Variants in OPLAH observed in about 807,000 individuals in gnomAD.
OPLAH encodes 5-oxoprolinase.
In OPLAH, 103 loss-of-function variants were observed where a neutral mutation model predicts 122.8. The ratio of observed to expected loss-of-function variants is 0.84; its 90% CI spans 0.71 to 0.99. The LOEUF (loss-of-function observed/expected upper bound fraction) is 0.99. Among genes scored for constraint, OPLAH ranks in the 50% least tolerant of loss-of-function variants. The pLI is 0.00. For missense variants in OPLAH, 1,902 were observed against 1,836.5 expected (o/e 1.04, Z -0.65); for synonymous variants, 875 against 796.0 (o/e 1.10, Z -1.67).
chr8:144,053,981 C>A (rs376806797), intron 19 of OPLAH, among the ~76,000 whole-genome samples: 1 of 129,100 alleles, frequency 7.7e-6, no homozygotes, highest in Admixed American at 7.9e-5. Context: ...CCCCACCCCC[C>A]GCCCTCGCTC....
At chr8:144,062,096 T>C (rs1353682406), upstream of OPLAH, among the ~76,000 whole-genome samples, 1 of 152,028 alleles carries the variant, frequency 6.6e-6, no homozygotes, top group African/African-American at 2.4e-5. Context: ...TTTATTCCTC[T>C]ACTTTCTTAA....
At chr8:144,060,584 C>G (rs1008772970) in intron 1 of OPLAH, 69 bp downstream of exon 1, 19 of 149,190 alleles carry the variant, frequency 1.3e-4, no homozygotes, top group African/African-American at 4.9e-4. Context: ...GGGAAGGGGC[C>G]GCGGAGGGGA....
In OPLAH at chr8:144,057,306, G is replaced by A. The variant is rs782608385; in HGVS notation, c.1437C>T (p.Asp479=). The change falls in exon 11 of 27, where the codon GAC becomes GAT. Residue 479 remains aspartate, a synonymous_variant. Coordinates refer to ENST00000618853, the MANE Select transcript of OPLAH (RefSeq NM_017570.5). The part of the protein sequence containing the change: ...IRALTQARGH[D]PSAHVLACFG... ...AGCAGGCCAGCACATGGGCTGAGGG[G>A]TCATGGCCTCTTGCCTAGGGAGACA... 49 of 1,611,960 alleles carry A rather than the reference G, an allele frequency of 3.0e-5. No individual in the cohort carries two copies. Among genetic ancestry groups the A allele is most frequent in the Non-Finnish European group, 3.6e-5 (43 of 1,179,618 alleles).
At position 144,052,562 on chromosome 8, in the gene OPLAH, C is replaced by T. The variant is rs782394618; in HGVS notation, c.3190G>A (p.Gly1064Ser). The T allele has an allele frequency of 2.5e-6, 4 of 1,597,018 alleles. No individual in the cohort carries two copies. Among genetic ancestry groups the T allele is most frequent in the South Asian group, 1.1e-5 (1 of 90,270 alleles). Residue 1064 changes from glycine (G) to serine (S), a missense_variant, in exon 23 of 27, where the codon GGC becomes AGC. Gly to Ser is a moderately conservative substitution (Grantham distance 56, BLOSUM62 0). Around this residue, in one of 3 missense-constraint regions of OPLAH, gnomAD observed 1,726 missense variants for 1,642.1 expected, o/e 1.05. Coordinates refer to ENST00000618853, the MANE Select transcript of OPLAH (RefSeq NM_017570.5). ...LAPVRVVIPR[G>S]SILDPSPEAA... ...TCGGGCGACGGGTCCAGGATGGAGC[C>T]TCGGGGAATGACCACGCGCACTGGC...
chr8:144,062,026 A>T (rs2129868674), upstream of OPLAH, among the ~76,000 whole-genome samples: 1 of 152,148 alleles, frequency 6.6e-6, no homozygotes, highest in Non-Finnish European at 1.5e-5. Flanking sequence ...CTCAAAAAAA[A>T]AAAAAAAAAA....
Position 144,052,308 on chromosome 8 carries a change from TCACGTTGTTCATGCAGCCCTGGTGAGGG to T in OPLAH, c.3304-10_3321del. 1.3e-6 allele frequency: 2 copies of T among 1,527,568 alleles called. No individual in the cohort carries two copies. Among genetic ancestry groups the T allele is most frequent in the Non-Finnish European group, 1.8e-6 (2 of 1,141,894 alleles). The allele number at this position is 1,527,568 out of a possible 1,614,324, so 94.6% of individuals were successfully genotyped here. A position where few individuals can be genotyped will look rare whatever the true frequency, so the allele number is the denominator to read the frequency against. ...TAGCCCATGTGGGCGTTGCCCAGGG[TCACGTTGTTCATGCAGCCCTGGTGAGGG>T]CACCTGGTCGCTGCGCTGGGCTGGG... On this transcript the variant is annotated splice_acceptor_variant and splice_polypyrimidine_tract_variant and coding_sequence_variant and intron_variant, in exon 24 of 27. Transcript: ENST00000618853. LOFTEE classifies it high-confidence loss of function.
rs782343798 is a variant in OPLAH at position 144,060,027 on chromosome 8, G to A, written c.6C>T (p.Gly2=). 1 of 1,611,426 alleles carries A rather than the reference G, an allele frequency of 6.2e-7. No homozygotes were observed. The highest frequency in any genetic ancestry group is 1.1e-5 in the South Asian group (1 of 90,974). Residue 2 remains glycine (G), a synonymous_variant, in exon 2 of 27, where the codon GGC becomes GGT. Coordinates refer to ENST00000618853, the MANE Select transcript of OPLAH (RefSeq NM_017570.5). The stretch of plus-strand genomic sequence containing the variant: ...CAAAGTGGAAGCGGCCCTCGGGGCT[G>A]CCCATGGTGGTGGGGCTGGAGTCCC... M[G]SPEGRFHFAI...
rs762215465 is a variant in OPLAH at position 144,051,546 on chromosome 8, C to G, written c.3721-74G>C. ...CCCTCCCTGTCACCTGCGCAGTCCC[C>G]TCCCCACCGGGCAGCGTCCATCACC... On this transcript the variant is annotated intron_variant, in intron 26 of 26. Transcript: ENST00000618853. 695 of 1,276,886 alleles carry G rather than the reference C, an allele frequency of 5.4e-4. 2 individuals are homozygous for G. Among genetic ancestry groups the G allele is most frequent in the Middle Eastern group, 8.2e-4 (3 of 3,662 alleles). The allele number at this position is 1,276,886 out of a possible 1,614,324, so 79.1% of individuals were successfully genotyped here.
Position 144,057,836 on chromosome 8 carries a change from G to A in OPLAH, c.1156+20C>T, listed in dbSNP as rs781790957. ...GGCAAGCGGAGGGCAAGGCCAGGCC[G>A]GCCAGATCCTGACTCTTACCTTTGC... On this transcript the variant is annotated intron_variant, in intron 9 of 26. Coordinates refer to ENST00000618853, the MANE Select transcript of OPLAH (RefSeq NM_017570.5). 8.1e-6 allele frequency: 13 copies of A among 1,608,044 alleles called. No homozygotes were observed. The highest frequency in any genetic ancestry group is 1.7e-5 in the Admixed American group (1 of 58,812).
intron 22 of OPLAH, 30 bp downstream of exon 22, chr8:144,052,736 G>C (rs782772822): frequency 1.3e-5 from 20 of 1,556,630 alleles, no homozygotes; most frequent in East Asian, 4.8e-5. Flanking sequence ...TCGGGCTGGG[G>C]CCCCCCCTCG....
chr8:144,058,209 C>T, intron 7 of OPLAH, 30 bp downstream of exon 7: 4 of 1,604,576 alleles, frequency 2.5e-6, no homozygotes, highest in African/African-American at 1.3e-5. Flanking sequence ...AGCTGAGCCT[C>T]CCCGAGACCC....
downstream of OPLAH, chr8:144,051,106 G>T: frequency 7.3e-7 from 1 of 1,378,690 alleles, no homozygotes; most frequent in Non-Finnish European, 9.3e-7. Flanking sequence ...CCTGACTCCC[G>T]CCCCCAGGAG....
rs1554757869 is a variant in OPLAH, at chr8:144,052,297, G to A, written c.3333C>T (p.Asn1111=). 3 of 1,531,124 alleles carry A rather than the reference G, an allele frequency of 2.0e-6. No individual in the cohort carries two copies. In the East Asian group the frequency reaches 7.4e-5, roughly 38 times the overall value. 94.8% of individuals were successfully genotyped at this position (1,531,124 alleles called of 1,614,324 possible). The change falls in exon 24 of 27, where the codon AAC becomes AAT. Residue 1111 remains asparagine (N), a synonymous_variant. Coordinates refer to ENST00000618853, the MANE Select transcript of OPLAH (RefSeq NM_017570.5). ...QGCMNNVTLG[N]AHMGYYETVA... ...CCGTCTCGTAGTAGCCCATGTGGGCGTTGCCCAGGGTCACGTTGTTCATGC... is the reference window on the plus strand; with the variant it reads ...CCGTCTCGTAGTAGCCCATGTGGGCATTGCCCAGGGTCACGTTGTTCATGC...
rs781839720 is a variant in OPLAH, at chr8:144,058,111, G to T, written c.987C>A (p.Phe329Leu). 3.1e-6 allele frequency: 5 copies of T among 1,612,428 alleles called. No individual in the cohort carries two copies. Among genetic ancestry groups the T allele is most frequent in the Middle Eastern group, 1.6e-4 (1 of 6,084 alleles). ...CTGTGCTGGCCTCGAAGACGTGCTC[G>T]AATTCCCCAGCATAGCGGCTCACAT... Reference protein sequence around the residue: ...STDVSRYAGEFEHVFEASTAG... With the variant: ...STDVSRYAGELEHVFEASTAG... Residue 329 changes from phenylalanine to leucine, a missense_variant, in exon 8 of 27, where the codon TTC becomes TTA. Coordinates refer to ENST00000618853, the MANE Select transcript of OPLAH (RefSeq NM_017570.5).
chr8:144,057,785 C>G (rs782407540), intron 9 of OPLAH, 71 bp downstream of exon 9: 3 of 1,608,680 alleles, frequency 1.9e-6, no homozygotes, highest in South Asian at 2.2e-5. Flanking sequence ...AGGGATAGGG[C>G]TGACAGGAGG....
At position 144,056,775 on chromosome 8, in the gene OPLAH, G is replaced by A; in HGVS notation, c.1707-20C>T. The A allele has an allele frequency of 1.3e-6, 2 of 1,592,774 alleles. No individual in the cohort carries two copies. The highest frequency in any genetic ancestry group is 8.6e-7 in the Non-Finnish European group (1 of 1,168,454). On this transcript the variant is annotated intron_variant, in intron 12 of 26. Transcript: ENST00000618853. ...TGGGACCTGCAGCAGGTGGTTGGGGGCACTCACACCAAACCCCCTGCCCTG... is the reference window on the plus strand; with the variant it reads ...TGGGACCTGCAGCAGGTGGTTGGGGACACTCACACCAAACCCCCTGCCCTG...
chr8:144,052,838 C>G lies in OPLAH; in HGVS notation c.3081G>C (p.Pro1027=). 6.4e-7 allele frequency: 1 copy of G among 1,556,154 alleles called. No individual in the cohort carries two copies. Among genetic ancestry groups the G allele is most frequent in the South Asian group, 1.2e-5 (1 of 84,442 alleles). ...GPEVFGNLNA[P]RAVTLSALIY... is the part of the protein sequence containing the mutation. ...TGAGGGCGGACAGGGTTACGGCCCG[C>G]GGTGCGTTGAGATTACCAAACACCT... Residue 1027 remains proline, a synonymous_variant, in exon 22 of 27, where the codon CCG becomes CCC. Transcript: ENST00000618853.
At chr8:144,060,150 G>T in intron 1 of OPLAH, 65 bp from the exon 2 acceptor site, 1 of 1,160,836 alleles carries the variant, frequency 8.6e-7, no homozygotes, top group Non-Finnish European at 1.2e-6. Flanking sequence ...CCAGCCCTGC[G>T]CATGCGGGGG....
At chr8:144,061,389 C>T (rs1342442041), upstream of OPLAH, among the ~76,000 whole-genome samples, 5 of 152,154 alleles carry the variant, frequency 3.3e-5, no homozygotes, top group African/African-American at 4.8e-5. Flanking sequence ...ATGTGGCACG[C>T]GCCTGTAATC....
Sources: allele counts gnomAD v4.1 joint callset (sites outside exome capture counted in the v4.1 genomes callset), GRCh38; gene constraint gnomAD v4.1.1; regional missense constraint gnomAD v4.1.1; transcripts MANE v1.5; gene names NCBI Gene and HGNC (gene_info 2026-07-23, HGNC 2026-07-21).